Variants in COLEC10 observed in about 807,000 individuals in gnomAD.
COLEC10 encodes the protein collectin subfamily member 10, also known as collectin-10.
In COLEC10, 22 loss-of-function variants were observed where a neutral mutation model predicts 28.4. The observed-to-expected ratio is 0.78, with a 90% CI of 0.55 to 1.11. COLEC10 has a LOEUF of 1.11. COLEC10 is among the 50% of genes least tolerant of loss of function. COLEC10 has a pLI of 0.00. For synonymous variants in COLEC10, 125 were observed against 116.1 expected, an observed-to-expected ratio of 1.08 and a Z score of -0.49; for missense variants, 361 against 344.1, an observed-to-expected ratio of 1.05 and a Z score of -0.39.
chr8:119,042,446 T>A (rs1004244574), intron 2 of COLEC10, among the ~76,000 whole-genome samples: 2 of 152,002 alleles, frequency 1.3e-5, no homozygotes, highest in African/African-American at 4.8e-5. Context: ...ATAGCCGTGT[T>A]TTTAGAGATT....
At position 119,018,179 on chromosome 8, in the gene COLEC10, T is replaced by C. The variant is rs184288931; in HGVS notation, n.235+8626T>C. 1.2e-4 allele frequency among the ~76,000 whole-genome samples: 18 copies of C among 152,310 alleles called. No individual in the cohort carries two copies. The East Asian group carries it at 3.5e-3, about 29-fold the overall frequency. On this transcript the variant is annotated intron_variant and non_coding_transcript_variant, in intron 2 of 6. Coordinates refer to the COLEC10 transcript ENST00000521788. ...AATTGTTTGCACTGCGCCATCTTAG[T>C]GGGAGACCTTTACTAAAAGTGTCCT...
chr8:119,071,559 T>G (rs935542800), intron 1 of COLEC10, among the ~76,000 whole-genome samples: 5 of 152,204 alleles, frequency 3.3e-5, no homozygotes, highest in Admixed American at 6.5e-5. Flanking sequence ...AAATGCCATC[T>G]GTGCAGCAAG....
chr8:118,971,560 G>T, the COLEC10 span, among the ~76,000 whole-genome samples: 10 of 151,962 alleles, frequency 6.6e-5, no homozygotes, highest in Non-Finnish European at 1.2e-4. Context: ...GGTAGGTAAT[G>T]GCTGTTTATA....
the COLEC10 span, among the ~76,000 whole-genome samples, chr8:118,960,271 G>A: frequency 6.6e-6 from 1 of 152,118 alleles, no homozygotes; most frequent in African/African-American, 2.4e-5. Flanking sequence ...GAAGGAAAGG[G>A]CTAAGAAAAA....
chr8:119,000,374 T>C (rs1813671855), intron 1 of COLEC10, among the ~76,000 whole-genome samples: 1 of 152,172 alleles, frequency 6.6e-6, no homozygotes, highest in Non-Finnish European at 1.5e-5. Context: ...TTGAGACTTG[T>C]AGTCATGACT....
chr8:119,096,514 C>A (rs908464657), intron 3 of COLEC10, among the ~76,000 whole-genome samples: 1 of 152,058 alleles, frequency 6.6e-6, no homozygotes, highest in Admixed American at 6.6e-5. Flanking sequence ...TCACTTGAAC[C>A]AGGGAGGCGG....
rs7833999 is a variant in COLEC10, at chr8:118,998,090, A to C, written n.122+2517A>C. On this transcript the variant is annotated intron_variant and non_coding_transcript_variant, in intron 1 of 6. Transcript: ENST00000521788. ...TGATGTGATTTTGAACAGCAAATTA[A>C]CCTCAGTATTTTCATCTATAAAATA... is the stretch of plus-strand genomic sequence containing the variant. Among the ~76,000 whole-genome samples the C allele has an allele frequency of 8.4e-3, 1,277 of 152,240 alleles. 10 individuals are homozygous for C. The highest frequency in any genetic ancestry group is 0.013 in the Non-Finnish European group (909 of 68,014).
chr8:119,062,668 CGG>C (rs1282856220), upstream of COLEC10, among the ~76,000 whole-genome samples: 1 of 151,856 alleles, frequency 6.6e-6, no homozygotes, highest in Non-Finnish European at 1.5e-5. Flanking sequence ...TTAGTAGAGA[CGG>C]GGTTTCACCA....
At chr8:119,050,297 G>A (rs868240944) in intron 2 of COLEC10, among the ~76,000 whole-genome samples, 1 of 152,124 alleles carries the variant, frequency 6.6e-6, no homozygotes, top group Non-Finnish European at 1.5e-5. Flanking sequence ...GTAGGTTCCT[G>A]AATGTCAAGG....
intron 5 of COLEC10, 71 bp from the exon 6 acceptor site, chr8:119,105,729 A>G (rs905486038): frequency 1.6e-6 from 2 of 1,278,690 alleles, no homozygotes; most frequent in African/African-American, 3.0e-5. Flanking sequence ...TAAATCTGGC[A>G]ATATCATATA....
chr8:118,978,119 G>A, the COLEC10 span, among the ~76,000 whole-genome samples: 1 of 152,106 alleles, frequency 6.6e-6, no homozygotes, highest in African/African-American at 2.4e-5. Context: ...TGACAGGATA[G>A]AGCCAAAGAT....
At chr8:119,048,308 G>T (rs141752472) in intron 2 of COLEC10, among the ~76,000 whole-genome samples, 1 of 152,268 alleles carries the variant, frequency 6.6e-6, no homozygotes, top group East Asian at 1.9e-4. Context: ...CCATGTTGCC[G>T]CACAGGACAT....
chr8:119,009,153 C>G (rs1813860033), intron 1 of COLEC10, among the ~76,000 whole-genome samples: 1 of 150,898 alleles, frequency 6.6e-6, no homozygotes, highest in Non-Finnish European at 1.5e-5. Flanking sequence ...GAAGAGACCA[C>G]TGGCCCATAC....
chr8:119,090,245 T>C (rs548718693), intron 2 of COLEC10, among the ~76,000 whole-genome samples: 3 of 152,222 alleles, frequency 2.0e-5, no homozygotes, highest in East Asian at 1.9e-4. Context: ...ACTGGAGAAA[T>C]GGTGGGGTAC....
chr8:119,030,919 A>T lies in COLEC10; in HGVS notation n.235+21366A>T, dbSNP rs527273886. Among the ~76,000 whole-genome samples the T allele has an allele frequency of 5.3e-5, 8 of 152,334 alleles. No homozygotes were observed. In the South Asian group the frequency reaches 1.7e-3, roughly 32 times the overall value. On this transcript the variant is annotated intron_variant and non_coding_transcript_variant, in intron 2 of 6. Transcript: ENST00000521788. ...TTTCAAAATCCCACTGATGACTCTG[A>T]TGGAGGGATAGACATTATCTAACAG... is the stretch of plus-strand genomic sequence containing the variant.
chr8:119,036,396 T>C (rs1270435739), intron 2 of COLEC10, among the ~76,000 whole-genome samples: 1 of 152,198 alleles, frequency 6.6e-6, no homozygotes, highest in African/African-American at 2.4e-5. Flanking sequence ...CCATAATATA[T>C]TTAACCAGTG....
chr8:119,100,686 A>G (rs1352890041), intron 3 of COLEC10, among the ~76,000 whole-genome samples: 2 of 152,132 alleles, frequency 1.3e-5, no homozygotes, highest in Non-Finnish European at 2.9e-5. Flanking sequence ...TTGAAGCACT[A>G]TCTCTTCTGC....
chr8:119,017,001 A>AC (rs11448336), intron 2 of COLEC10, among the ~76,000 whole-genome samples: 150,058 of 152,268 alleles, frequency 0.99, 73,974 homozygotes, highest in Middle Eastern at 1. Context: ...GGGGTGAGCC[A>AC]CGCACCTGGC....
intron 1 of COLEC10, among the ~76,000 whole-genome samples, chr8:119,003,890 A>G (rs1053117219): frequency 5.3e-5 from 8 of 152,084 alleles, no homozygotes; most frequent in African/African-American, 1.7e-4. Flanking sequence ...GCCCCCAACT[A>G]TACTAAATTG....
Sources: allele counts gnomAD v4.1 joint callset (sites outside exome capture counted in the v4.1 genomes callset), GRCh38; gene constraint gnomAD v4.1.1; transcripts MANE v1.5; gene names NCBI Gene and HGNC (gene_info 2026-07-23, HGNC 2026-07-21).